The following DRICH1 variants were observed in gnomAD, a reference collection of about 807,000 sequenced individuals.
The protein encoded by DRICH1 is aspartate rich 1, also known as aspartate-rich protein 1.
DRICH1 carries 38 observed loss-of-function variants against 39.5 expected under a neutral mutation model. The observed-to-expected ratio is 0.96, with a 90% CI of 0.74 to 1.26. DRICH1 has a LOEUF of 1.26. Ranked by LOEUF, DRICH1 falls within the 50% of genes most tolerant of loss-of-function variation. The pLI is 0.00. For synonymous variants in DRICH1, 84 were observed against 99.5 expected, an observed-to-expected ratio of 0.84 and a Z score of 0.93; for missense variants, 279 against 270.4, an observed-to-expected ratio of 1.03 and a Z score of -0.22.
chr22:23,627,442 A>G (rs894096293), intron 1 of DRICH1, among the ~76,000 whole-genome samples: 4 of 152,216 alleles, frequency 2.6e-5, no homozygotes, highest in African/African-American at 9.7e-5. Flanking sequence ...TGAGAACCTC[A>G]CTAGATGGCA....
chr22:23,616,953 G>C lies in DRICH1; in HGVS notation c.520-79C>G, dbSNP rs1927390949. 2.6e-6 allele frequency: 4 copies of C among 1,524,326 alleles called. 1 individual carries two copies. In the South Asian group the frequency reaches 3.4e-5, roughly 13 times the overall value. 94.4% of individuals were successfully genotyped at this position (1,524,326 alleles called of 1,614,324 possible). A position where few individuals can be genotyped will look rare whatever the true frequency, so the allele number is the denominator to read the frequency against. On this transcript the variant is annotated intron_variant, in intron 7 of 11. Transcript: ENST00000317749. ...CCTTACACAGATCTGTTAGTCTCTT[G>C]ATGACTTCACAAAACTATTTGTAAG...
downstream of DRICH1, among the ~76,000 whole-genome samples, chr22:23,606,237 A>C (rs1348097229): frequency 6.6e-6 from 1 of 151,948 alleles, no homozygotes; most frequent in Non-Finnish European, 1.5e-5. Context: ...ACATTCCATA[A>C]AATCTCTCAC....
intron 5 of DRICH1, 144 bp downstream of exon 5, chr22:23,620,450 C>T (rs1414336897): frequency 4.3e-6 from 4 of 938,372 alleles, no homozygotes; most frequent in Non-Finnish European, 3.5e-6. Context: ...TTTCTACAGC[C>T]CCTCTGCTCA....
intron 6 of DRICH1, among the ~76,000 whole-genome samples, chr22:23,618,497 T>TTGTAAGTCTTCTTCTGGAACCATGGTG (rs1395539800): frequency 6.6e-6 from 1 of 152,172 alleles, no homozygotes; most frequent in Non-Finnish European, 1.5e-5. Flanking sequence ...GATTTCCTCT[T>TTGTAAGTCTTCTTCTGGAACCATGGTG]TGTAAGTCTT....
intron 4 of DRICH1, 55 bp from the exon 5 acceptor site, chr22:23,620,670 C>T: frequency 8.8e-6 from 14 of 1,588,590 alleles, no homozygotes; most frequent in Non-Finnish European, 1.2e-5. Context: ...TGCTGCACCC[C>T]TTACACAGAT....
chr22:23,630,025 C>G (rs1928297765), intron 1 of DRICH1, among the ~76,000 whole-genome samples: 1 of 152,244 alleles, frequency 6.6e-6, no homozygotes, highest in African/African-American at 2.4e-5. Flanking sequence ...GACCCCAGCA[C>G]TGACAGATGT....
At chr22:23,597,791 T>G in the DRICH1 span, among the ~76,000 whole-genome samples, 1 of 151,450 alleles carries the variant, frequency 6.6e-6, no homozygotes, top group Non-Finnish European at 1.5e-5. Context: ...TCAGGCCTGG[T>G]GGGGGGCTGG....
downstream of DRICH1, among the ~76,000 whole-genome samples, chr22:23,606,597 T>C (rs374606380): frequency 2.2e-4 from 34 of 152,230 alleles, no homozygotes; most frequent in African/African-American, 7.9e-4. Context: ...TCCAACTCCT[T>C]TGAAATATTT....
chr22:23,606,404 C>T (rs897354830), downstream of DRICH1, among the ~76,000 whole-genome samples: 1 of 152,152 alleles, frequency 6.6e-6, no homozygotes, highest in Non-Finnish European at 1.5e-5. Context: ...CCATGTGATG[C>T]CCCCCTTCCC....
At chr22:23,613,765 G>A in intron 9 of DRICH1, 105 bp from the exon 10 acceptor site, 1 of 834,460 alleles carries the variant, frequency 1.2e-6, no homozygotes, top group South Asian at 1.5e-5. Context: ...AGGCAGTATA[G>A]TGATTGAGCC....
At chr22:23,625,936 CA>C in intron 2 of DRICH1, 44 bp downstream of exon 2, 6 of 1,492,912 alleles carry the variant, frequency 4.0e-6, no homozygotes, top group Non-Finnish European at 5.6e-6. Flanking sequence ...TTTCTGACAT[CA>C]GGAAAGCAAC....
chr22:23,613,804 C>A, intron 9 of DRICH1, 144 bp from the exon 10 acceptor site: 1 of 637,846 alleles, frequency 1.6e-6, no homozygotes, highest in East Asian at 2.7e-5. Context: ...AAGACTAGCA[C>A]AGAGGATAGC....
intron 8 of DRICH1, among the ~76,000 whole-genome samples, chr22:23,616,385 G>T (rs1927348536): frequency 6.6e-6 from 1 of 152,292 alleles, no homozygotes; most frequent in African/African-American, 2.4e-5. Flanking sequence ...TCACCATGAT[G>T]ACATTAAACT....
At chr22:23,626,493 T>C (rs1015129757) in intron 1 of DRICH1, among the ~76,000 whole-genome samples, 1 of 152,206 alleles carries the variant, frequency 6.6e-6, no homozygotes, top group African/African-American at 2.4e-5. Context: ...TCTGACTTCA[T>C]TGCCCTTTTC....
Position 23,608,617 on chromosome 22 carries a change from G to A in DRICH1, c.*147C>T, listed in dbSNP as rs1387532540. On this transcript the variant is annotated 3_prime_UTR_variant, in exon 12 of 12. Coordinates refer to ENST00000317749, the MANE Select transcript of DRICH1 (RefSeq NM_016449.4). ...TAGTGCTGGCGGTGGGTGGGAAGCA[G>A]CCTTGGACTTTTTCTCTCTGCTGGG... The A allele has an allele frequency of 1.2e-6, 1 of 814,628 alleles. No homozygotes were observed. Among genetic ancestry groups the A allele is most frequent in the African/African-American group, 1.7e-5 (1 of 59,118 alleles). 50.5% of individuals were successfully genotyped at this position (814,628 alleles called of 1,614,324 possible).
chr22:23,630,374 C>T (rs779308379), intron 1 of DRICH1, among the ~76,000 whole-genome samples: 11 of 152,018 alleles, frequency 7.2e-5, no homozygotes, highest in African/African-American at 1.2e-4. Context: ...TTGCCTCTTC[C>T]ATTCAGGAGG....
the DRICH1 span, among the ~76,000 whole-genome samples, chr22:23,595,472 C>T: frequency 2.0e-5 from 3 of 151,848 alleles, no homozygotes; most frequent in African/African-American, 4.8e-5. Flanking sequence ...CAGAGTCACC[C>T]GAGCAATGAC....
chr22:23,609,632 T>G (rs988126275), intron 11 of DRICH1, among the ~76,000 whole-genome samples: 1 of 150,322 alleles, frequency 6.7e-6, no homozygotes, highest in Non-Finnish European at 1.5e-5. Flanking sequence ...CTGGCAGGAC[T>G]GTAGAGGGCC....
At chr22:23,622,297 C>T (rs1927793895) in intron 3 of DRICH1, 121 bp from the exon 4 acceptor site, 1 of 860,534 alleles carries the variant, frequency 1.2e-6, no homozygotes, top group African/African-American at 1.6e-5. Context: ...TGAGTTAATG[C>T]TGGGCTATTC....
Sources: allele counts gnomAD v4.1 joint callset (sites outside exome capture counted in the v4.1 genomes callset), GRCh38; gene constraint gnomAD v4.1.1; transcripts MANE v1.5; gene names NCBI Gene and HGNC (gene_info 2026-07-23, HGNC 2026-07-21).